The following GHR variants were observed in gnomAD, a reference collection of about 807,000 sequenced individuals.
GHR encodes growth hormone receptor.
In GHR, 35 loss-of-function variants were observed where a neutral mutation model predicts 67.1. That is an observed-to-expected ratio of 0.52 (90% CI 0.40 to 0.69). The LOEUF is 0.69. GHR is among the 30% of genes least tolerant of loss of function. GHR has a pLI of 0.00. For missense variants in GHR, 792 were observed against 764.6 expected, an observed-to-expected ratio of 1.04 and a Z score of -0.42; for synonymous variants, 272 against 269.1, an observed-to-expected ratio of 1.01 and a Z score of -0.10.
intron 3 of GHR, among the ~76,000 whole-genome samples, chr5:42,647,424 T>C (rs1263495365): frequency 6.6e-6 from 1 of 151,444 alleles, no homozygotes; most frequent in Non-Finnish European, 1.5e-5. Context: ...AATAAAAAAA[T>C]ATAGCTGGGC....
chr5:42,590,835 A>C (rs1188514385), intron 2 of GHR, among the ~76,000 whole-genome samples: 1 of 152,210 alleles, frequency 6.6e-6, no homozygotes, highest in Non-Finnish European at 1.5e-5. Flanking sequence ...AGGTGTACAG[A>C]AGTGAAATGA....
intron 2 of GHR, among the ~76,000 whole-genome samples, chr5:42,576,097 A>T (rs866296415): frequency 9.1e-4 from 83 of 91,526 alleles, no homozygotes; most frequent in South Asian, 3.9e-3. Context: ...AATAAAATAA[A>T]ATAAATAAAA....
intron 1 of GHR, among the ~76,000 whole-genome samples, chr5:42,537,856 T>C (rs535978403): frequency 6.6e-6 from 1 of 152,304 alleles, no homozygotes; most frequent in Non-Finnish European, 1.5e-5. Context: ...GGCGCATATA[T>C]GTTTAGGATT....
intron 2 of GHR, among the ~76,000 whole-genome samples, chr5:42,567,257 A>G (rs1207846565): frequency 6.6e-6 from 1 of 152,222 alleles, no homozygotes; most frequent in Non-Finnish European, 1.5e-5. Flanking sequence ...TGTGAAATGA[A>G]AAGTATGGCA....
Position 42,606,204 on chromosome 5 carries a change from G to A in GHR, c.71-22834G>A, listed in dbSNP as rs73751221. ...ATTTTATCATTGGATTGAGCTGGGG[G>A]AGAAGGCACAGGAAGTGCCCACACA... On this transcript the variant is annotated intron_variant, in intron 2 of 9. Coordinates refer to ENST00000230882, the MANE Select transcript of GHR (RefSeq NM_000163.5). Among the ~76,000 whole-genome samples, 995 of 152,256 alleles carry A rather than the reference G, an allele frequency of 6.5e-3. 10 individuals are homozygous for A. The highest frequency in any genetic ancestry group is 0.023 in the African/African-American group (944 of 41,548).
rs185378706 is a variant in GHR at position 42,689,644 on chromosome 5, G to T, written c.266+625G>T. Among the ~76,000 whole-genome samples the T allele has an allele frequency of 4.6e-5, 7 of 152,224 alleles. No individual in the cohort carries two copies. The East Asian group carries it at 1.4e-3, about 29-fold the overall frequency. On this transcript the variant is annotated intron_variant, in intron 4 of 9. Coordinates refer to ENST00000230882, the MANE Select transcript of GHR (RefSeq NM_000163.5). ...CTGAGGCAGTCTTGGCATATTTGAG[G>T]GATGAAAAAGGCCAGCACTGAAGGC...
chr5:42,697,898 G>A (rs1187161076), intron 5 of GHR, among the ~76,000 whole-genome samples: 8 of 152,166 alleles, frequency 5.3e-5, no homozygotes, highest in Non-Finnish European at 1.0e-4. Context: ...GAATGAAAAA[G>A]GATAATGGCC....
intron 1 of GHR, among the ~76,000 whole-genome samples, chr5:42,532,685 C>T (rs1002069352): frequency 6.6e-6 from 1 of 152,070 alleles, no homozygotes; most frequent in Admixed American, 6.6e-5. Context: ...ACATGTTTTA[C>T]TGTAAGTGTG....
intron 1 of GHR, among the ~76,000 whole-genome samples, chr5:42,479,209 C>T (rs1745491378): frequency 6.6e-6 from 1 of 152,134 alleles, no homozygotes; most frequent in South Asian, 2.1e-4. Flanking sequence ...ATATGTTGAA[C>T]CAGCCTTGCA....
At chr5:42,474,295 G>GAGAAAGAGAGAAAGAAAGAA in intron 1 of GHR, among the ~76,000 whole-genome samples, 1 of 81,112 alleles carries the variant, frequency 1.2e-5, no homozygotes, top group South Asian at 4.5e-4. Flanking sequence ...AAAAGAGAAA[G>GAGAAAGAGAGAAAGAAAGAA]AGAAAGAAAG....
rs561536450 is a variant in GHR at position 42,469,448 on chromosome 5, C to CAG, written c.-12+45493_-12+45494insAG. ...TTTGACAGAACAGTCTACTGTCTGC[C>CAG]TCAGCCTATCCTGGAGATGTCCTTG... On this transcript the variant is annotated intron_variant, in intron 1 of 9. Coordinates refer to ENST00000230882, the MANE Select transcript of GHR (RefSeq NM_000163.5). Among the ~76,000 whole-genome samples, 1,129 of 152,290 alleles carry CAG rather than the reference C, an allele frequency of 7.4e-3. 13 individuals carry two copies. Among genetic ancestry groups the CAG allele is most frequent in the African/African-American group, 0.026 (1,081 of 41,548 alleles).
chr5:42,676,449 C>T (rs1213378195), intron 3 of GHR, among the ~76,000 whole-genome samples: 1 of 152,084 alleles, frequency 6.6e-6, no homozygotes, highest in Non-Finnish European at 1.5e-5. Context: ...TTCTTATGTT[C>T]AGTATTGTCC....
At chr5:42,542,069 A>C (rs1748540243) in intron 1 of GHR, among the ~76,000 whole-genome samples, 1 of 152,214 alleles carries the variant, frequency 6.6e-6, no homozygotes, top group Non-Finnish European at 1.5e-5. Flanking sequence ...TCATGATTCC[A>C]AATGAGATAA....
At chr5:42,593,346 G>C (rs1469941120) in intron 2 of GHR, among the ~76,000 whole-genome samples, 2 of 152,236 alleles carry the variant, frequency 1.3e-5, no homozygotes, top group Non-Finnish European at 1.5e-5. Context: ...TAAGGATGTG[G>C]GGCATTAGGC....
intron 9 of GHR, 90 bp from the exon 10 acceptor site, chr5:42,718,363 A>T: frequency 1.0e-6 from 1 of 1,001,408 alleles, no homozygotes; most frequent in Admixed American, 1.8e-5. Context: ...TCTTATTGTA[A>T]CCATAATTAA....
At chr5:42,681,760 C>A (rs931485508) in intron 3 of GHR, among the ~76,000 whole-genome samples, 3 of 151,954 alleles carry the variant, frequency 2.0e-5, no homozygotes, top group African/African-American at 7.2e-5. Flanking sequence ...CATGGTGAAA[C>A]CCCATCTCTA....
At chr5:42,657,204 A>C (rs866366988) in intron 3 of GHR, among the ~76,000 whole-genome samples, 1 of 152,186 alleles carries the variant, frequency 6.6e-6, no homozygotes, top group Non-Finnish European at 1.5e-5. Flanking sequence ...GCAGCAAAAC[A>C]CAGCATGGAT....
intron 1 of GHR, chr5:42,467,278 G>A: frequency 1.6e-6 from 2 of 1,227,256 alleles, no homozygotes; most frequent in Non-Finnish European, 2.4e-6. Context: ...ACAACTAAAG[G>A]TTTTCCCAAA....
chr5:42,506,467 G>A (rs976921240), intron 1 of GHR, among the ~76,000 whole-genome samples: 3 of 152,080 alleles, frequency 2.0e-5, no homozygotes, highest in Non-Finnish European at 2.9e-5. Context: ...TCACCCTACC[G>A]TACTTCTTGG....
Sources: gnomAD v4.1 joint callset for allele counts (sites outside exome capture counted in the v4.1 genomes callset) on GRCh38, gnomAD v4.1.1 for gene constraint, MANE v1.5 for transcripts, NCBI Gene and HGNC (gene_info 2026-07-23, HGNC 2026-07-21) for gene names.